Variants in SOX5 observed in about 807,000 individuals in gnomAD.
SOX5 encodes transcription factor SOX-5.
Under a neutral mutation model 92.0 loss-of-function variants are expected in SOX5, and 9 were observed. That is an observed-to-expected ratio of 0.10 (90% CI 0.06 to 0.17). SOX5 has a LOEUF of 0.17. SOX5 is among the 10% of genes least tolerant of loss of function. The probability of loss-of-function intolerance (pLI) is 1.00; values close to 1 mark genes in which losing one functional copy is unlikely to be tolerated. For synonymous variants in SOX5, 344 were observed against 336.3 expected (o/e 1.02, Z -0.25); for missense variants, 642 against 944.5 (o/e 0.68, Z 4.20).
At chr12:23,791,326 T>A (rs1015577305) in intron 3 of SOX5, among the ~76,000 whole-genome samples, 31 of 152,224 alleles carry the variant, frequency 2.0e-4, no homozygotes, top group African/African-American at 7.0e-4. Flanking sequence ...AGTCTCACTA[T>A]GTTGCCCAGG....
chr12:23,985,086 A>G (rs1436842130), intron 4 of SOX5, among the ~76,000 whole-genome samples: 1 of 152,150 alleles, frequency 6.6e-6, no homozygotes, highest in African/African-American at 2.4e-5. Flanking sequence ...TAAATATTTC[A>G]AAGATCCCCT....
intron 4 of SOX5, among the ~76,000 whole-genome samples, chr12:24,101,921 A>C (rs1418108120): frequency 1.3e-5 from 2 of 152,194 alleles, no homozygotes; most frequent in Non-Finnish European, 2.9e-5. Context: ...AATCATCTGC[A>C]TACTGTTATC....
chr12:24,559,291 C>T (rs1017057060), intron 1 of SOX5, among the ~76,000 whole-genome samples: 2 of 152,154 alleles, frequency 1.3e-5, no homozygotes, highest in African/African-American at 4.8e-5. Flanking sequence ...GCATTCTCTA[C>T]CACTGAAGTT....
At chr12:23,883,988 T>G (rs948420214) in intron 2 of SOX5, among the ~76,000 whole-genome samples, 3 of 152,190 alleles carry the variant, frequency 2.0e-5, no homozygotes, top group Non-Finnish European at 4.4e-5. Flanking sequence ...TTCTCTAGCT[T>G]AAGGTTTTCT....
intron 4 of SOX5, among the ~76,000 whole-genome samples, chr12:23,997,960 G>T (rs1332423464): frequency 6.6e-6 from 1 of 152,054 alleles, no homozygotes; most frequent in East Asian, 1.9e-4. Context: ...TACTATGGTG[G>T]GGGGGTGCAA....
rs140246283 is a variant in SOX5, at chr12:23,782,978, A to G, written c.482-27254T>C. On this transcript the variant is annotated intron_variant, in intron 3 of 14. Coordinates refer to ENST00000451604, the MANE Select transcript of SOX5 (RefSeq NM_006940.6). ...AGGCCCTTTGAGAGCCTTTCCTCTG[A>G]AGAAAGCACACTGCCGTACCTGTGA... 4.6e-3 allele frequency among the ~76,000 whole-genome samples: 705 copies of G among 152,212 alleles called. 8 individuals are homozygous for G. The highest frequency in any genetic ancestry group is 0.016 in the African/African-American group (674 of 41,540).
chr12:23,903,689 A>G (rs535246772), intron 1 of SOX5, among the ~76,000 whole-genome samples: 1 of 152,350 alleles, frequency 6.6e-6, no homozygotes, highest in African/African-American at 2.4e-5. Flanking sequence ...CAAAGAGAAT[A>G]ATACTTTCCT....
intron 1 of SOX5, among the ~76,000 whole-genome samples, chr12:23,911,857 C>G (rs564833527): frequency 6.6e-6 from 1 of 152,074 alleles, no homozygotes; most frequent in Non-Finnish European, 1.5e-5. Flanking sequence ...TAGAAGGAAA[C>G]ACAGAAGAAC....
rs150862006 is a variant in SOX5, at chr12:23,960,139, C to T, written c.-1-64115G>A. 5.5e-3 allele frequency among the ~76,000 whole-genome samples: 832 copies of T among 152,116 alleles called. 11 individuals carry two copies. The highest frequency in any genetic ancestry group is 0.019 in the African/African-American group (801 of 41,512). The stretch of plus-strand genomic sequence containing the variant: ...CTAGAAGAAAAGAATTGGAGAGAAA[C>T]GGACCCCAGCCATGTCCAATCAAGC... On this transcript the variant is annotated intron_variant, in intron 4 of 4. Coordinates refer to the SOX5 transcript ENST00000446891.
At chr12:23,992,176 C>T (rs1281293403) in intron 4 of SOX5, among the ~76,000 whole-genome samples, 1 of 149,580 alleles carries the variant, frequency 6.7e-6, no homozygotes, top group East Asian at 1.9e-4. Flanking sequence ...TTTTGAGGAG[C>T]TTTGGTCTGG....
chr12:24,269,193 T>C (rs1431310805), intron 3 of SOX5, among the ~76,000 whole-genome samples: 3 of 152,202 alleles, frequency 2.0e-5, no homozygotes, highest in Admixed American at 1.3e-4. Context: ...GTGATTGGAT[T>C]TGATAAATAG....
At chr12:24,308,535 A>G (rs1451127790) in intron 2 of SOX5, among the ~76,000 whole-genome samples, 1 of 152,236 alleles carries the variant, frequency 6.6e-6, no homozygotes, top group Non-Finnish European at 1.5e-5. Context: ...AGGTTGCTGC[A>G]GACCCATTTG....
intron 1 of SOX5, among the ~76,000 whole-genome samples, chr12:24,444,822 C>T (rs1240451007): frequency 6.6e-6 from 1 of 152,218 alleles, no homozygotes; most frequent in Non-Finnish European, 1.5e-5. Flanking sequence ...GCTGAGGCCT[C>T]TGTTGCAACT....
intron 2 of SOX5, among the ~76,000 whole-genome samples, chr12:23,869,846 A>G (rs1055883167): frequency 1.3e-5 from 2 of 152,080 alleles, no homozygotes; most frequent in African/African-American, 4.8e-5. Context: ...TCTTATATCC[A>G]TTCATCTGTA....
intron 4 of SOX5, among the ~76,000 whole-genome samples, chr12:23,994,996 T>C (rs1950902984): frequency 6.6e-6 from 1 of 152,242 alleles, no homozygotes; most frequent in South Asian, 2.1e-4. Context: ...CCAGAATCAA[T>C]CTGTGCAAGG....
In SOX5 at chr12:23,538,125, G is replaced by A. The variant is rs191251772; in HGVS notation, c.1772-1456C>T. Among the ~76,000 whole-genome samples, 32 of 152,118 alleles carry A rather than the reference G, an allele frequency of 2.1e-4. No homozygotes were observed. In the East Asian group the frequency reaches 5.6e-3, roughly 27 times the overall value. On this transcript the variant is annotated intron_variant, in intron 13 of 14. Transcript: ENST00000451604. ...TCTAAGTAAGATCTTAGAATCTTTC[G>A]AATGAGTTCATTACTCACCCGTAAC...
chr12:24,398,057 A>G (rs1477446445), intron 1 of SOX5, among the ~76,000 whole-genome samples: 1 of 151,986 alleles, frequency 6.6e-6, no homozygotes, highest in Admixed American at 6.6e-5. Flanking sequence ...TCACCATGTT[A>G]GCCAGGATGG....
At chr12:23,844,268 T>C (rs531170235) in intron 3 of SOX5, among the ~76,000 whole-genome samples, 2 of 152,270 alleles carry the variant, frequency 1.3e-5, no homozygotes, top group African/African-American at 4.8e-5. Flanking sequence ...ATATCAAAAT[T>C]CAAAATCCGA....
At chr12:23,677,215 C>T (rs929677343) in intron 6 of SOX5, among the ~76,000 whole-genome samples, 1 of 152,034 alleles carries the variant, frequency 6.6e-6, no homozygotes, top group African/African-American at 2.4e-5. Context: ...TCCTCAGATC[C>T]TAGTTTCAGC....
Sources: allele counts gnomAD v4.1 joint callset (sites outside exome capture counted in the v4.1 genomes callset), GRCh38; gene constraint gnomAD v4.1.1; transcripts MANE v1.5; gene names NCBI Gene and HGNC (gene_info 2026-07-23, HGNC 2026-07-21).